GABRG3: variants seen among roughly 807,000 people sequenced by gnomAD.
GABRG3 encodes the protein gamma-aminobutyric acid receptor subunit gamma-3.
GABRG3 carries 25 observed loss-of-function variants against 48.8 expected under a neutral mutation model. That is an observed-to-expected ratio of 0.51 (90% CI 0.37 to 0.72). The LOEUF (loss-of-function observed/expected upper bound fraction) is 0.72. GABRG3 is among the 30% of genes least tolerant of loss of function. GABRG3 has a pLI of 0.00. For missense variants in GABRG3, 394 were observed against 577.9 expected (o/e 0.68, Z 3.26); for synonymous variants, 227 against 217.6 (o/e 1.04, Z -0.38).
intron 3 of GABRG3, among the ~76,000 whole-genome samples, chr15:27,146,440 C>A (rs916045498): frequency 6.6e-6 from 1 of 152,022 alleles, no homozygotes; most frequent in Admixed American, 6.6e-5. Context: ...CTGCGTGACA[C>A]GGTGAGACTC....
chr15:27,216,998 AT>A (rs1889279799), intron 3 of GABRG3, among the ~76,000 whole-genome samples: 1 of 138,494 alleles, frequency 7.2e-6, no homozygotes, highest in Non-Finnish European at 1.5e-5. Flanking sequence ...TCATTGTTCA[AT>A]TCCCACCTAT....
intron 3 of GABRG3, among the ~76,000 whole-genome samples, chr15:27,204,540 G>T (rs1372612727): frequency 1.3e-5 from 2 of 152,012 alleles, no homozygotes; most frequent in African/African-American, 4.8e-5. Flanking sequence ...GGTTCCAAAT[G>T]AATTTTAGAA....
intron 3 of GABRG3, among the ~76,000 whole-genome samples, chr15:27,074,880 G>A (rs1374346546): frequency 6.6e-6 from 1 of 152,048 alleles, no homozygotes; most frequent in Non-Finnish European, 1.5e-5. Flanking sequence ...TTAAAGAGTT[G>A]GACATTACAT....
intron 2 of GABRG3, among the ~76,000 whole-genome samples, chr15:27,013,750 A>G (rs1171149991): frequency 6.6e-6 from 1 of 152,018 alleles, no homozygotes; most frequent in Non-Finnish European, 1.5e-5. Flanking sequence ...TACCAGTATC[A>G]TGCTGTTTGA....
At position 26,971,343 on chromosome 15, in the gene GABRG3, G is replaced by GGCGTCCCGTGT. The variant is rs1479712397; in HGVS notation, c.-186_-176dup. ...TGGGGGCGGCGCGCCGCGGTGGCCCGGCGTCCCGTGTGCGTCCAGTGTGCG... is the reference window on the plus strand; with the variant it reads ...TGGGGGCGGCGCGCCGCGGTGGCCCGGCGTCCCGTGTGCGTCCCGTGTGCGTCCAGTGTGCG... On this transcript the variant is annotated 5_prime_UTR_variant, in exon 1 of 10. Transcript: ENST00000615808. 5.0e-5 allele frequency: 17 copies of GGCGTCCCGTGT among 341,150 alleles called. No individual in the cohort carries two copies. Among genetic ancestry groups the GGCGTCCCGTGT allele is most frequent in the Admixed American group, 2.0e-4 (4 of 20,234 alleles). 21.1% of individuals were successfully genotyped at this position (341,150 alleles called of 1,614,324 possible).
At chr15:27,480,956 A>G (rs1457413791) in intron 6 of GABRG3, 169 bp downstream of exon 6, 4 of 1,405,772 alleles carry the variant, frequency 2.8e-6, no homozygotes, top group Non-Finnish European at 3.7e-6. Flanking sequence ...TTTAATTGGT[A>G]TGGGAGAGGG....
At chr15:27,466,717 C>T (rs1889624078) in intron 5 of GABRG3, among the ~76,000 whole-genome samples, 1 of 152,136 alleles carries the variant, frequency 6.6e-6, no homozygotes, top group South Asian at 2.1e-4. Flanking sequence ...TAGTTGGAAG[C>T]ACAGAGAGAG....
Position 27,278,056 on chromosome 15 carries a change from A to T in GABRG3, c.271-48753A>T, listed in dbSNP as rs554793168. 1.8e-4 allele frequency among the ~76,000 whole-genome samples: 26 copies of T among 144,424 alleles called. No homozygotes were observed. In the East Asian group the frequency reaches 3.2e-3, roughly 18 times the overall value. 94.7% of individuals were successfully genotyped at this position (144,424 alleles called of 152,430 possible). Reference sequence around the variant, plus strand: ...TGTGTGTCTGTATATAGCTCGATGCATTTTTTTTTTTTTGAAACGTAGTCT... The same window carrying T: ...TGTGTGTCTGTATATAGCTCGATGCTTTTTTTTTTTTTTGAAACGTAGTCT... On this transcript the variant is annotated intron_variant, in intron 3 of 9. Transcript: ENST00000615808.
chr15:27,494,034 T>G (rs1890422345), intron 6 of GABRG3, among the ~76,000 whole-genome samples: 1 of 152,186 alleles, frequency 6.6e-6, no homozygotes, highest in Admixed American at 6.5e-5. Flanking sequence ...CTACTTTTTC[T>G]TTATCATTTG....
At chr15:27,521,193 C>A (rs1891152049) in intron 7 of GABRG3, among the ~76,000 whole-genome samples, 1 of 152,028 alleles carries the variant, frequency 6.6e-6, no homozygotes, top group Non-Finnish European at 1.5e-5. Context: ...TTGTTCTGGG[C>A]TCAAGACACA....
intron 3 of GABRG3, among the ~76,000 whole-genome samples, chr15:27,248,385 G>A (rs183292518): frequency 1.4e-3 from 212 of 152,250 alleles, no homozygotes; most frequent in African/African-American, 4.9e-3. Flanking sequence ...CCACAGGGCT[G>A]TCTGCCTCTG....
intron 2 of GABRG3, among the ~76,000 whole-genome samples, chr15:26,992,961 A>G (rs1399474330): frequency 6.6e-6 from 1 of 151,906 alleles, no homozygotes; most frequent in Non-Finnish European, 1.5e-5. Flanking sequence ...TCATCTAGGA[A>G]TTTATTCATT....
At chr15:26,983,577 G>A (rs773701694) in intron 2 of GABRG3, among the ~76,000 whole-genome samples, 22 of 152,132 alleles carry the variant, frequency 1.4e-4, no homozygotes, top group African/African-American at 5.1e-4. Context: ...TTTGAGACCA[G>A]TCTGAGCAAC....
At chr15:27,061,203 T>C (rs1009039164) in intron 3 of GABRG3, among the ~76,000 whole-genome samples, 1 of 152,232 alleles carries the variant, frequency 6.6e-6, no homozygotes, top group African/African-American at 2.4e-5. Flanking sequence ...GAGAGTTTAT[T>C]GTGTACTTTT....
intron 3 of GABRG3, among the ~76,000 whole-genome samples, chr15:27,213,710 C>A (rs1324665556): frequency 6.6e-6 from 1 of 152,218 alleles, no homozygotes; most frequent in Non-Finnish European, 1.5e-5. Flanking sequence ...TAAAGGAAAT[C>A]ATTCCCATGA....
intron 6 of GABRG3, among the ~76,000 whole-genome samples, chr15:27,483,929 A>G (rs974552263): frequency 6.6e-5 from 10 of 152,020 alleles, no homozygotes; most frequent in South Asian, 2.1e-4. Context: ...AATAAAAATC[A>G]CATACTTTTT....
At chr15:27,267,982 A>T (rs367941520) in intron 3 of GABRG3, among the ~76,000 whole-genome samples, 9 of 152,176 alleles carry the variant, frequency 5.9e-5, no homozygotes, top group Non-Finnish European at 1.3e-4. Context: ...CCAGTGAGGT[A>T]TATTGCTCTG....
At chr15:27,205,903 G>A (rs1190183779) in intron 3 of GABRG3, among the ~76,000 whole-genome samples, 3 of 151,874 alleles carry the variant, frequency 2.0e-5, no homozygotes, top group Non-Finnish European at 4.4e-5. Context: ...TTTCTTTATG[G>A]TTGGTGGTAA....
intron 6 of GABRG3, among the ~76,000 whole-genome samples, chr15:27,502,617 A>G (rs1316547966): frequency 6.6e-6 from 1 of 152,122 alleles, no homozygotes; most frequent in Non-Finnish European, 1.5e-5. Context: ...AAACCACCCC[A>G]CACTTAAGAC....
Sources: gnomAD v4.1 joint callset for allele counts (sites outside exome capture counted in the v4.1 genomes callset) on GRCh38, gnomAD v4.1.1 for gene constraint, MANE v1.5 for transcripts, NCBI Gene and HGNC (gene_info 2026-07-23, HGNC 2026-07-21) for gene names.